The following NFIA variants were observed in gnomAD, a reference collection of about 807,000 sequenced individuals.
The protein encoded by NFIA is nuclear factor I A.
A neutral mutation model predicts 62.8 loss-of-function variants in NFIA; 8 were observed. The observed-to-expected ratio is 0.13, with a 90% CI of 0.07 to 0.23. The LOEUF is 0.23. Ranked by LOEUF, NFIA falls within the 10% of genes least tolerant of loss-of-function variation. NFIA has a pLI of 1.00. For synonymous variants in NFIA, 235 were observed against 238.1 expected, an observed-to-expected ratio of 0.99 and a Z score of 0.12; for missense variants, 410 against 642.1, an observed-to-expected ratio of 0.64 and a Z score of 3.91.
intron 6 of NFIA, among the ~76,000 whole-genome samples, chr1:61,368,136 A>G (rs1418174692): frequency 6.6e-6 from 1 of 152,224 alleles, no homozygotes; most frequent in African/African-American, 2.4e-5. Flanking sequence ...GAATAAATAA[A>G]TTACCCAAAT....
intron 7 of NFIA, among the ~76,000 whole-genome samples, chr1:61,386,971 G>A (rs1042850827): frequency 2.6e-5 from 4 of 152,172 alleles, no homozygotes; most frequent in African/African-American, 9.7e-5. Flanking sequence ...GGCAGAAGGG[G>A]TGGGGTCGCT....
intron 2 of NFIA, among the ~76,000 whole-genome samples, chr1:61,101,205 G>A (rs1203395982): frequency 6.6e-6 from 1 of 151,932 alleles, no homozygotes; most frequent in Non-Finnish European, 1.5e-5. Context: ...AGATCAGCCT[G>A]ACAAATATGG....
At chr1:61,310,640 G>A (rs548091011) in intron 3 of NFIA, among the ~76,000 whole-genome samples, 1 of 152,254 alleles carries the variant, frequency 6.6e-6, no homozygotes, top group South Asian at 2.1e-4. Context: ...AGCCTCATCA[G>A]TGTTCCCAGA....
At chr1:61,200,010 GTATATATATATA>G (rs60422302) in intron 2 of NFIA, among the ~76,000 whole-genome samples, 1,565 of 52,450 alleles carry the variant, frequency 0.03, 30 homozygotes, top group Non-Finnish European at 0.038. Context: ...ATATATATAT[GTATATATATATA>G]TATATATATA....
chr1:61,122,758 TTTTC>T (rs1237586018), intron 2 of NFIA, among the ~76,000 whole-genome samples: 1 of 152,174 alleles, frequency 6.6e-6, no homozygotes, highest in Non-Finnish European at 1.5e-5. Context: ...TGCTCATTTC[TTTTC>T]TTTTTTTAAT....
At chr1:61,168,191 T>C (rs1017040930) in intron 2 of NFIA, among the ~76,000 whole-genome samples, 4 of 152,164 alleles carry the variant, frequency 2.6e-5, no homozygotes, top group African/African-American at 9.7e-5. Flanking sequence ...CCCATACAGA[T>C]ATAGAAAAGC....
At chr1:61,251,707 G>A (rs1013787310) in intron 2 of NFIA, among the ~76,000 whole-genome samples, 2 of 152,138 alleles carry the variant, frequency 1.3e-5, no homozygotes, top group African/African-American at 2.4e-5. Context: ...GTCAGACTAC[G>A]TGATGTTAAA....
chr1:61,450,926 G>A (rs76776318), intron 10 of NFIA, among the ~76,000 whole-genome samples: 5,265 of 152,276 alleles, frequency 0.035, 152 homozygotes, highest in Middle Eastern at 0.088. Context: ...AGTAAAAAGA[G>A]GATGTAAAAA....
At chr1:61,399,280 C>T (rs992449394) in intron 7 of NFIA, among the ~76,000 whole-genome samples, 7 of 152,174 alleles carry the variant, frequency 4.6e-5, no homozygotes, top group African/African-American at 1.4e-4. Flanking sequence ...ATTATTCGCT[C>T]TTGTGAGGGA....
chr1:61,110,693 A>G (rs1323482083), intron 2 of NFIA, among the ~76,000 whole-genome samples: 1 of 152,068 alleles, frequency 6.6e-6, no homozygotes, highest in Admixed American at 6.6e-5. Context: ...TAGAGGATTT[A>G]TATGTCAGAC....
At chr1:61,080,518 A>T (rs988531143), upstream of NFIA, among the ~76,000 whole-genome samples, 10 of 152,184 alleles carry the variant, frequency 6.6e-5, no homozygotes, top group African/African-American at 2.4e-4. Flanking sequence ...GTCAGCCAGA[A>T]ACTTCTATCG....
intron 3 of NFIA, among the ~76,000 whole-genome samples, chr1:61,301,039 G>GATT (rs1308773872): frequency 6.6e-6 from 1 of 152,060 alleles, no homozygotes; most frequent in East Asian, 1.9e-4. Context: ...AGAAACGTAT[G>GATT]ATTAATCATG....
At chr1:61,184,613 C>T (rs1363311795) in intron 2 of NFIA, among the ~76,000 whole-genome samples, 1 of 152,118 alleles carries the variant, frequency 6.6e-6, no homozygotes, top group Admixed American at 6.6e-5. Context: ...ACTGGTGGAC[C>T]GACACACTCT....
intron 3 of NFIA, among the ~76,000 whole-genome samples, chr1:61,309,493 A>ACAAC (rs201557157): frequency 4.7e-5 from 7 of 150,156 alleles, no homozygotes; most frequent in African/African-American, 1.7e-4. Flanking sequence ...AACAACAACA[A>ACAAC]AAAAAAAAAC....
intron 3 of NFIA, among the ~76,000 whole-genome samples, chr1:61,291,837 A>T (rs534223003): frequency 5.9e-5 from 9 of 152,332 alleles, no homozygotes; most frequent in African/African-American, 2.2e-4. Flanking sequence ...AAGTATGGTG[A>T]CATAATGTCA....
chr1:61,435,423 G>A (rs377750964), intron 10 of NFIA, among the ~76,000 whole-genome samples: 4 of 152,178 alleles, frequency 2.6e-5, no homozygotes, highest in African/African-American at 9.7e-5. Flanking sequence ...AGCGCTGCAC[G>A]AGGCCAACAG....
chr1:61,174,707 A>G (rs750722025), intron 2 of NFIA, among the ~76,000 whole-genome samples: 2 of 152,210 alleles, frequency 1.3e-5, no homozygotes, highest in Admixed American at 6.5e-5. Flanking sequence ...TTTTGGTTCT[A>G]TGTGATAAAC....
chr1:61,367,076 G>T (rs890902894), intron 6 of NFIA, among the ~76,000 whole-genome samples: 1 of 152,190 alleles, frequency 6.6e-6, no homozygotes, highest in Non-Finnish European at 1.5e-5. Flanking sequence ...TCAGAACTAG[G>T]GGTCAGTGTC....
At chr1:61,262,893 G>C (rs1656857796) in intron 2 of NFIA, among the ~76,000 whole-genome samples, 4 of 152,188 alleles carry the variant, frequency 2.6e-5, no homozygotes, top group Admixed American at 2.6e-4. Flanking sequence ...TAGCTCTGCT[G>C]TGTTGTTCCA....
Sources: allele counts gnomAD v4.1 joint callset (sites outside exome capture counted in the v4.1 genomes callset), GRCh38; gene constraint gnomAD v4.1.1; transcripts MANE v1.5; gene names NCBI Gene and HGNC (gene_info 2026-07-23, HGNC 2026-07-21).